Variants in PRDM16 observed in about 807,000 individuals in gnomAD.
PRDM16 encodes the protein histone-lysine N-methyltransferase PRDM16.
A neutral mutation model predicts 110.6 loss-of-function variants in PRDM16; 23 were observed. The ratio of observed to expected loss-of-function variants is 0.21; its 90% CI spans 0.15 to 0.29. The LOEUF (loss-of-function observed/expected upper bound fraction) is 0.29, where lower values mean the gene tolerates loss of function less well. Ranked by LOEUF, PRDM16 falls within the 10% of genes least tolerant of loss-of-function variation. The pLI, the probability that PRDM16 is intolerant of heterozygous loss-of-function variation, is 1.00. For missense variants in PRDM16, 1,615 were observed against 1,794.3 expected (o/e 0.90, Z 1.81); for synonymous variants, 799 against 781.8 (o/e 1.02, Z -0.37).
chr1:3,237,272 T>A (rs1639559960), intron 2 of PRDM16, among the ~76,000 whole-genome samples: 1 of 151,804 alleles, frequency 6.6e-6, no homozygotes. Context: ...ACCCCAGGGC[T>A]CCTCCGTCTC....
At chr1:3,282,449 G>A (rs1287397476) in intron 3 of PRDM16, among the ~76,000 whole-genome samples, 6 of 152,326 alleles carry the variant, frequency 3.9e-5, no homozygotes, top group Non-Finnish European at 7.4e-5. Context: ...TGGGGCCAGC[G>A]CCGCAGGGCC....
intron 3 of PRDM16, among the ~76,000 whole-genome samples, chr1:3,250,455 C>T (rs1247858522): frequency 6.6e-6 from 1 of 152,064 alleles, no homozygotes; most frequent in East Asian, 1.9e-4. Flanking sequence ...CAATGTAACC[C>T]TTTTGCCGCC....
intron 3 of PRDM16, among the ~76,000 whole-genome samples, chr1:3,287,313 GCCGCCCCGCCAC>G: frequency 7.2e-6 from 1 of 138,320 alleles, no homozygotes; most frequent in Admixed American, 7.0e-5. Context: ...CGGGGCTGGA[GCCGCCCCGCCAC>G]GCGGGCATCC....
intron 3 of PRDM16, among the ~76,000 whole-genome samples, chr1:3,283,176 C>T (rs1359541425): frequency 1.3e-5 from 2 of 152,156 alleles, no homozygotes; most frequent in Non-Finnish European, 2.9e-5. Context: ...GCCAGCCCCT[C>T]GTCACCTTCC....
intron 3 of PRDM16, among the ~76,000 whole-genome samples, chr1:3,302,613 CAAGCTGCCCT>C (rs1394928801): frequency 1.3e-5 from 2 of 152,218 alleles, no homozygotes; most frequent in African/African-American, 4.8e-5. Context: ...CAGCCTGAAC[CAAGCTGCCCT>C]AAGACATGTA....
chr1:3,319,326 T>C (rs1253585292), intron 3 of PRDM16, among the ~76,000 whole-genome samples: 7 of 152,172 alleles, frequency 4.6e-5, no homozygotes, highest in African/African-American at 9.7e-5. Context: ...AGGCTCAACA[T>C]TGGAAGGGCA....
At chr1:3,418,132 A>G in intron 11 of PRDM16, 135 bp downstream of exon 11, 1 of 745,588 alleles carries the variant, frequency 1.3e-6, no homozygotes, top group Non-Finnish European at 2.2e-6. Context: ...TCAGCTGGTT[A>G]TCTGCTTGAG....
In PRDM16 at chr1:3,396,595, TA is replaced by T; in HGVS notation, c.676+4del. On this transcript the variant is annotated splice_donor_region_variant and intron_variant, in intron 5 of 16. Transcript: ENST00000270722. ...GCACAGTGCCGCCCGGCCTGGACGG[TA>T]AGACCCCTCCCCCAAACCGGGCCAC... is the stretch of plus-strand genomic sequence containing the variant. 6.6e-7 allele frequency: 1 copy of T among 1,519,254 alleles called. No individual in the cohort carries two copies. Among genetic ancestry groups the T allele is most frequent in the Non-Finnish European group, 9.0e-7 (1 of 1,112,170 alleles). 94.1% of individuals were successfully genotyped at this position (1,519,254 alleles called of 1,614,324 possible).
intron 1 of PRDM16, among the ~76,000 whole-genome samples, chr1:3,130,695 C>T (rs1442481054): frequency 6.6e-6 from 1 of 152,052 alleles, no homozygotes; most frequent in African/African-American, 2.4e-5. Flanking sequence ...TTTTCAAGAG[C>T]CCATTACAGA....
chr1:3,383,062 G>A (rs1003303971), intron 3 of PRDM16, among the ~76,000 whole-genome samples: 6 of 152,228 alleles, frequency 3.9e-5, no homozygotes, highest in African/African-American at 1.2e-4. Context: ...CTACAGTTCC[G>A]AGTGGACAGA....
intron 2 of PRDM16, among the ~76,000 whole-genome samples, chr1:3,202,660 C>G (rs1391535936): frequency 6.6e-6 from 1 of 152,218 alleles, no homozygotes; most frequent in South Asian, 2.1e-4. Context: ...CCTTTTCAAC[C>G]TCAGTAGCTT....
intron 3 of PRDM16, among the ~76,000 whole-genome samples, chr1:3,283,914 A>G (rs1284427141): frequency 6.6e-6 from 1 of 152,214 alleles, no homozygotes; most frequent in African/African-American, 2.4e-5. Flanking sequence ...CGCGGGAGGA[A>G]TGTGGCTCAG....
At chr1:3,416,441 G>A (rs1638264363) in intron 10 of PRDM16, among the ~76,000 whole-genome samples, 1 of 152,166 alleles carries the variant, frequency 6.6e-6, no homozygotes, top group Non-Finnish European at 1.5e-5. Context: ...TCTGAGCATT[G>A]CCCAGAGGCA....
intron 10 of PRDM16, among the ~76,000 whole-genome samples, chr1:3,416,750 TG>T (rs1638275473): frequency 6.6e-6 from 1 of 152,230 alleles, no homozygotes; most frequent in Admixed American, 6.5e-5. Context: ...CATTGGGCCC[TG>T]GGAGCACTGG....
intron 3 of PRDM16, among the ~76,000 whole-genome samples, chr1:3,360,494 A>C (rs1642692439): frequency 6.6e-6 from 1 of 152,062 alleles, no homozygotes; most frequent in Admixed American, 6.5e-5. Flanking sequence ...AGCCCCCAGC[A>C]GAGCCCGGTC....
intron 3 of PRDM16, among the ~76,000 whole-genome samples, chr1:3,296,152 A>G (rs1210581266): frequency 1.3e-5 from 2 of 152,154 alleles, no homozygotes; most frequent in Non-Finnish European, 2.9e-5. Flanking sequence ...CCGGAACCGT[A>G]CGGGTCATGG....
chr1:3,373,345 C>G (rs1284205319), intron 3 of PRDM16, among the ~76,000 whole-genome samples: 1 of 152,218 alleles, frequency 6.6e-6, no homozygotes, highest in Non-Finnish European at 1.5e-5. Context: ...GAGAGCCCCG[C>G]CCCAGCGTGC....
rs41310351 is a variant in PRDM16, at chr1:3,433,872, C to G, written c.*61C>G. 6.3e-7 allele frequency: 1 copy of G among 1,586,926 alleles called. No homozygotes were observed. Reference sequence around the variant, plus strand: ...GGGCACCAGCCACGAAGGACGGAGGCGGGCGGGGCCCCGGAGAACCCTGTC... The same window carrying G: ...GGGCACCAGCCACGAAGGACGGAGGGGGGCGGGGCCCCGGAGAACCCTGTC... On this transcript the variant is annotated 3_prime_UTR_variant, in exon 17 of 17. Transcript: ENST00000270722.
intron 1 of PRDM16, among the ~76,000 whole-genome samples, chr1:3,071,640 C>T (rs1344936298): frequency 4.6e-5 from 7 of 152,242 alleles, no homozygotes; most frequent in Non-Finnish European, 8.8e-5. Context: ...TGAACTTCCC[C>T]GGGGACCATA....
Sources: allele counts gnomAD v4.1 joint callset (sites outside exome capture counted in the v4.1 genomes callset), GRCh38; gene constraint gnomAD v4.1.1; transcripts MANE v1.5; gene names NCBI Gene and HGNC (gene_info 2026-07-23, HGNC 2026-07-21).